C10orf67: variants seen among roughly 807,000 people sequenced by gnomAD.
The protein encoded by C10orf67 is chromosome 10 open reading frame 67.
In C10orf67, 60 loss-of-function variants were observed where a neutral mutation model predicts 35.6. The observed-to-expected ratio is 1.68, with a 90% CI of 1.37 to 2.09. The LOEUF (loss-of-function observed/expected upper bound fraction) is 2.09, where lower values mean the gene tolerates loss of function less well. Among genes scored for constraint, C10orf67 ranks in the 30% most tolerant of loss-of-function variants. C10orf67 has a pLI of 0.00. For missense variants in C10orf67, 474 were observed against 330.2 expected (o/e 1.44, Z -3.38); for synonymous variants, 167 against 115.8 (o/e 1.44, Z -2.84).
chr10:23,243,747 A>G (rs1420841510), intron 12 of C10orf67, among the ~76,000 whole-genome samples: 2 of 152,100 alleles, frequency 1.3e-5, no homozygotes, highest in African/African-American at 2.4e-5. Flanking sequence ...AAAACTGGCC[A>G]TAGCTTGAAC....
At chr10:23,232,825 A>G (rs1395983820) in intron 13 of C10orf67, among the ~76,000 whole-genome samples, 1 of 152,212 alleles carries the variant, frequency 6.6e-6, no homozygotes, top group Non-Finnish European at 1.5e-5. Flanking sequence ...TCTGAAAAAG[A>G]AACAAAAACA....
In C10orf67 at chr10:23,301,926, G is replaced by A. The variant is rs142090661; in HGVS notation, c.702+1378C>T. Among the ~76,000 whole-genome samples, 1,578 of 152,336 alleles carry A rather than the reference G, an allele frequency of 0.01. 115 individuals carry two copies. The East Asian group carries it at 0.2, about 19-fold the overall frequency. ...GCAAGCCTTTAGCCTGATCGGGAGC[G>A]GCAATGGGCGCCCCGCTGGATCAGG... On this transcript the variant is annotated intron_variant, in intron 5 of 15. Transcript: ENST00000636213.
intron 12 of C10orf67, among the ~76,000 whole-genome samples, chr10:23,248,971 C>CA (rs1229724416): frequency 1.1e-4 from 16 of 148,576 alleles, no homozygotes; most frequent in Admixed American, 3.4e-4. Flanking sequence ...ACTAAAAATA[C>CA]AAAAAAAAAT....
intron 8 of C10orf67, among the ~76,000 whole-genome samples, chr10:23,278,516 C>T (rs766920825): frequency 5.1e-4 from 78 of 152,116 alleles, no homozygotes; most frequent in Non-Finnish European, 8.5e-4. Context: ...TTAGGTTTTA[C>T]GGGCAAAACT....
chr10:23,344,720 A>G lies in C10orf67; in HGVS notation c.55T>C (p.Trp19Arg). 2 of 1,574,164 alleles carry G rather than the reference A, an allele frequency of 1.3e-6. No homozygotes were observed. The highest frequency in any genetic ancestry group is 8.6e-7 in the Non-Finnish European group (1 of 1,160,204). The change falls in exon 1 of 16, where the codon TGG becomes CGG. Residue 19 changes from tryptophan (W) to arginine (R), a missense_variant. Trp to Arg is a moderately radical substitution (Grantham distance 101). Coordinates refer to ENST00000636213, the MANE Select transcript of C10orf67 (RefSeq NM_001371909.1). ...AHYVMSIVIR[W>R]VHCFSSSLRG... ...AAGGAGGAGGAAAAGCAGTGAACCC[A>G]TCTAATAACTATGCTCATGACATAA...
At position 23,318,948 on chromosome 10, in the gene C10orf67, C is replaced by T. The variant is rs528588481; in HGVS notation, c.546+1793G>A. 1.8e-5 allele frequency: 14 copies of T among 767,730 alleles called. No individual in the cohort carries two copies. In the East Asian group the frequency reaches 2.9e-4, roughly 16 times the overall value. The allele number at this position is 767,730 out of a possible 1,614,324, so 47.6% of individuals were successfully genotyped here. A position where few individuals can be genotyped will look rare whatever the true frequency, so the allele number is the denominator to read the frequency against. ...AGCAAATCCAAGCATCAGAAGGAGA[C>T]ATAAAATGTCAAGCAAAGAAAAAGA... On this transcript the variant is annotated intron_variant, in intron 4 of 15. Coordinates refer to ENST00000636213, the MANE Select transcript of C10orf67 (RefSeq NM_001371909.1).
Position 23,223,754 on chromosome 10 carries a change from C to T in C10orf67, c.1499G>A (p.Cys500Tyr). Residue 500 changes from cysteine to tyrosine, a missense_variant, in exon 14 of 16, where the codon TGT (cysteine) becomes TAT (tyrosine). Coordinates refer to ENST00000636213, the MANE Select transcript of C10orf67 (RefSeq NM_001371909.1). Reference sequence around the variant, plus strand: ...AAATAAGCTACTTACTGAAGATGTACAATGACTTGAAGAGGATATAGCTGT... The same window carrying T: ...AAATAAGCTACTTACTGAAGATGTATAATGACTTGAAGAGGATATAGCTGT... Reference protein sequence around the residue: ...TMTAISSSSHCTSSIDGKHVD... With the variant: ...TMTAISSSSHYTSSIDGKHVD... 1.4e-6 allele frequency: 1 copy of T among 715,828 alleles called. No individual in the cohort carries two copies. The highest frequency in any genetic ancestry group is 2.6e-6 in the Non-Finnish European group (1 of 384,928). 44.3% of individuals were successfully genotyped at this position (715,828 alleles called of 1,614,324 possible).
At chr10:23,301,389 G>A (rs1384467808) in intron 5 of C10orf67, among the ~76,000 whole-genome samples, 6 of 152,320 alleles carry the variant, frequency 3.9e-5, no homozygotes, top group East Asian at 3.9e-4. Flanking sequence ...TCTTAAGTCC[G>A]GTGGTCACGC....
chr10:23,209,825 T>C (rs892023603), intron 15 of C10orf67, among the ~76,000 whole-genome samples: 5 of 151,364 alleles, frequency 3.3e-5, no homozygotes, highest in African/African-American at 1.2e-4. Context: ...CATGGCAAAA[T>C]CTTGTCTCTA....
At chr10:23,306,500 G>C (rs903823121) in intron 4 of C10orf67, among the ~76,000 whole-genome samples, 4 of 143,872 alleles carry the variant, frequency 2.8e-5, no homozygotes, top group African/African-American at 1.0e-4. Flanking sequence ...CTCCAGCCCA[G>C]CCTGGGTGAC....
intron 10 of C10orf67, among the ~76,000 whole-genome samples, chr10:23,259,463 C>T (rs1019364613): frequency 2.0e-5 from 3 of 151,996 alleles, no homozygotes; most frequent in African/African-American, 4.8e-5. Flanking sequence ...CAAAAAGTGA[C>T]TTATATTCAA....
At position 23,239,502 on chromosome 10, in the gene C10orf67, C is replaced by A. The variant is rs138180467; in HGVS notation, c.1434+227G>T. On this transcript the variant is annotated intron_variant, in intron 13 of 15. Coordinates refer to ENST00000636213, the MANE Select transcript of C10orf67 (RefSeq NM_001371909.1). ...TTATACTTGCCCCATTGTAGCTCAACCATATTGCGCTGTAGCAATTTGTTT... is the reference window on the plus strand; with the variant it reads ...TTATACTTGCCCCATTGTAGCTCAAACATATTGCGCTGTAGCAATTTGTTT... Among the ~76,000 whole-genome samples, 856 of 152,334 alleles carry A rather than the reference C, an allele frequency of 5.6e-3. 6 individuals are homozygous for A. Among genetic ancestry groups the A allele is most frequent in the Middle Eastern group, 0.034 (10 of 294 alleles).
intron 13 of C10orf67, among the ~76,000 whole-genome samples, chr10:23,226,569 A>G (rs1023417743): frequency 3.3e-5 from 5 of 152,216 alleles, no homozygotes; most frequent in Admixed American, 3.3e-4. Flanking sequence ...AGCTAGCAGA[A>G]GACAAGAAAT....
At position 23,250,735 on chromosome 10, in the gene C10orf67, A is replaced by G. The variant is rs114276567; in HGVS notation, c.1201-44T>C. ...ACACAAAGTTAATTACACAAACAAT[A>G]TATCTTGTTTCTCCATAAATCTGAA... On this transcript the variant is annotated intron_variant, in intron 10 of 15. Transcript: ENST00000636213. The G allele has an allele frequency of 2.2e-4, 88 of 398,240 alleles. 1 individual carries two copies. The highest frequency in any genetic ancestry group is 1.7e-3 in the African/African-American group (82 of 48,706). The allele number at this position is 398,240 out of a possible 1,614,324, so 24.7% of individuals were successfully genotyped here.
chr10:23,326,307 A>G (rs1001495409), intron 2 of C10orf67, among the ~76,000 whole-genome samples: 2 of 152,194 alleles, frequency 1.3e-5, no homozygotes, highest in Non-Finnish European at 2.9e-5. Flanking sequence ...ACAGCTACAT[A>G]CAGGGGAATA....
intron 2 of C10orf67, among the ~76,000 whole-genome samples, chr10:23,329,797 C>CAAAAA (rs398013008): frequency 0.028 from 1,334 of 47,888 alleles, 101 homozygotes; most frequent in African/African-American, 0.11. Context: ...GAACTTGTCT[C>CAAAAA]AAAAAAAAAA....
chr10:23,217,656 T>G (rs1588580411), intron 15 of C10orf67, among the ~76,000 whole-genome samples: 1 of 152,156 alleles, frequency 6.6e-6, no homozygotes, highest in Non-Finnish European at 1.5e-5. Flanking sequence ...TCAACTGGAC[T>G]AACAACACAC....
chr10:23,212,892 T>A (rs1035476201), intron 15 of C10orf67, among the ~76,000 whole-genome samples: 7 of 148,586 alleles, frequency 4.7e-5, no homozygotes, highest in African/African-American at 1.7e-4. Flanking sequence ...AAAAGCAAGA[T>A]CAGCTATCAG....
intron 8 of C10orf67, among the ~76,000 whole-genome samples, chr10:23,273,365 G>T (rs1253179256): frequency 6.6e-6 from 1 of 152,154 alleles, no homozygotes; most frequent in Non-Finnish European, 1.5e-5. Context: ...TTCCCAGTTT[G>T]CTGAGAGTAT....
Sources: gnomAD v4.1 joint callset for allele counts (sites outside exome capture counted in the v4.1 genomes callset) on GRCh38, gnomAD v4.1.1 for gene constraint, MANE v1.5 for transcripts, NCBI Gene and HGNC (gene_info 2026-07-23, HGNC 2026-07-21) for gene names.